The following CCSER1 variants were observed in gnomAD, a reference collection of about 807,000 sequenced individuals.
The protein encoded by CCSER1 is coiled-coil serine rich protein 1, also known as serine-rich coiled-coil domain-containing protein 1.
CCSER1 carries 41 observed loss-of-function variants against 82.0 expected under a neutral mutation model. The observed-to-expected ratio is 0.50, with a 90% CI of 0.39 to 0.65. The LOEUF (loss-of-function observed/expected upper bound fraction) is 0.65, where lower values mean the gene tolerates loss of function less well. Among genes scored for constraint, CCSER1 ranks in the 30% least tolerant of loss-of-function variants. CCSER1 has a pLI of 0.00. For missense variants in CCSER1, 1,119 were observed against 1,064.2 expected, an observed-to-expected ratio of 1.05 and a Z score of -0.72; for synonymous variants, 414 against 383.9, an observed-to-expected ratio of 1.08 and a Z score of -0.92.
chr4:90,996,196 T>C (rs1737477111), intron 9 of CCSER1, among the ~76,000 whole-genome samples: 1 of 152,132 alleles, frequency 6.6e-6, no homozygotes, highest in African/African-American at 2.4e-5. Flanking sequence ...TGCCAAATCT[T>C]GTTGTAGATG....
intron 9 of CCSER1, among the ~76,000 whole-genome samples, chr4:90,989,727 G>A (rs1481080599): frequency 6.6e-6 from 1 of 151,720 alleles, no homozygotes; most frequent in Non-Finnish European, 1.5e-5. Flanking sequence ...CTTTGGGTTA[G>A]AGCTTCAGAT....
intron 1 of CCSER1, among the ~76,000 whole-genome samples, chr4:90,197,834 A>G (rs561579320): frequency 1.3e-4 from 20 of 152,094 alleles, no homozygotes; most frequent in Non-Finnish European, 2.1e-4. Context: ...GTTACAAAAA[A>G]AAAAATAGAA....
intron 10 of CCSER1, among the ~76,000 whole-genome samples, chr4:91,589,854 C>T (rs985417789): frequency 1.3e-5 from 2 of 151,744 alleles, no homozygotes; most frequent in East Asian, 1.9e-4. Context: ...TTTAAATCAC[C>T]TTTTAACTAA....
At chr4:91,398,638 A>T (rs1378682160) in intron 10 of CCSER1, among the ~76,000 whole-genome samples, 1 of 151,720 alleles carries the variant, frequency 6.6e-6, no homozygotes, top group Non-Finnish European at 1.5e-5. Context: ...TAATTAAAAA[A>T]TTGAGATATT....
intron 10 of CCSER1, among the ~76,000 whole-genome samples, chr4:91,464,705 C>T (rs1211817488): frequency 2.0e-5 from 3 of 152,134 alleles, no homozygotes; most frequent in Admixed American, 1.3e-4. Flanking sequence ...ACTTGCAATC[C>T]TAGTCCCTGG....
chr4:91,513,938 T>G (rs1236236804), intron 10 of CCSER1, among the ~76,000 whole-genome samples: 1 of 152,082 alleles, frequency 6.6e-6, no homozygotes, highest in Admixed American at 6.6e-5. Context: ...TTTATGGATT[T>G]TTGGGTCTCA....
At position 90,932,998 on chromosome 4, in the gene CCSER1, A is replaced by AAGAAAGAAAGAAAGAAAGAAAG; in HGVS notation, c.2172+9553_2172+9574dup. On this transcript the variant is annotated intron_variant, in intron 9 of 10. Coordinates refer to ENST00000509176, the MANE Select transcript of CCSER1 (RefSeq NM_001145065.2). Reference sequence around the variant, plus strand: ...AGAAAGAAAGAGAAAGAAAGAAAGAAAGAAAGAAAGAAAGAAAGAAAGAAA... The same window carrying AAGAAAGAAAGAAAGAAAGAAAG: ...AGAAAGAAAGAGAAAGAAAGAAAGAAAGAAAGAAAGAAAGAAAGAAAGAGAAAGAAAGAAAGAAAGAAAGAAA... Among the ~76,000 whole-genome samples, 2 of 72,046 alleles carry AAGAAAGAAAGAAAGAAAGAAAG rather than the reference A, an allele frequency of 2.8e-5. 1 individual carries two copies. The highest frequency in any genetic ancestry group is 3.0e-4 in the Admixed American group (2 of 6,720). 47.3% of individuals were successfully genotyped at this position (72,046 alleles called of 152,430 possible). A position where few individuals can be genotyped will look rare whatever the true frequency, so the allele number is the denominator to read the frequency against.
At chr4:90,158,182 A>G (rs1578240597) in intron 1 of CCSER1, among the ~76,000 whole-genome samples, 1 of 81,428 alleles carries the variant, frequency 1.2e-5, no homozygotes, top group Non-Finnish European at 2.1e-5. Flanking sequence ...GTGGCTGCAT[A>G]AACAGCGGAT....
intron 1 of CCSER1, among the ~76,000 whole-genome samples, chr4:90,273,515 C>T (rs940637579): frequency 6.6e-6 from 1 of 152,050 alleles, no homozygotes; most frequent in Non-Finnish European, 1.5e-5. Flanking sequence ...TTTTAAAAAA[C>T]TGAAGTTTTA....
intron 5 of CCSER1, among the ~76,000 whole-genome samples, chr4:90,581,974 A>G (rs1227712349): frequency 6.6e-6 from 1 of 151,928 alleles, no homozygotes; most frequent in Non-Finnish European, 1.5e-5. Flanking sequence ...TCAAAGGAGG[A>G]CCAATTGATG....
intron 8 of CCSER1, among the ~76,000 whole-genome samples, chr4:90,841,859 A>G (rs1168342879): frequency 1.3e-5 from 2 of 152,192 alleles, no homozygotes; most frequent in African/African-American, 4.8e-5. Context: ...CAAACTCCAA[A>G]GTAAAAAACT....
chr4:90,444,576 A>G (rs1250605547), intron 4 of CCSER1, among the ~76,000 whole-genome samples: 1 of 152,042 alleles, frequency 6.6e-6, no homozygotes, highest in East Asian at 1.9e-4. Context: ...TACACTTCCC[A>G]TGGTAAATGA....
intron 1 of CCSER1, among the ~76,000 whole-genome samples, chr4:90,230,102 A>T (rs180731155): frequency 6.6e-6 from 1 of 152,204 alleles, no homozygotes; most frequent in African/African-American, 2.4e-5. Flanking sequence ...AGTTGGACTC[A>T]GCTCTGCACC....
At chr4:90,918,373 A>G (rs1727834089) in intron 8 of CCSER1, 6 of 404,864 alleles carry the variant, frequency 1.5e-5, no homozygotes, top group Non-Finnish European at 2.9e-5. Flanking sequence ...ATTTTTTGGG[A>G]TTATTGAGTA....
chr4:90,408,477 A>G (rs1322728902), intron 4 of CCSER1, among the ~76,000 whole-genome samples: 1 of 152,174 alleles, frequency 6.6e-6, no homozygotes, highest in African/African-American at 2.4e-5. Context: ...CGGTTCACCA[A>G]TATCCACTGT....
chr4:90,796,690 T>C (rs1756090364), intron 7 of CCSER1, among the ~76,000 whole-genome samples: 4 of 152,312 alleles, frequency 2.6e-5, no homozygotes, highest in Admixed American at 2.6e-4. Context: ...GTGTCTTTTT[T>C]CTCATTTATT....
At chr4:91,500,975 C>T (rs1317318627) in intron 10 of CCSER1, among the ~76,000 whole-genome samples, 3 of 151,626 alleles carry the variant, frequency 2.0e-5, no homozygotes, top group Admixed American at 6.6e-5. Context: ...ATTTCTATAC[C>T]TTTTATGTTT....
chr4:90,983,042 C>T lies in CCSER1; in HGVS notation c.2172+59595C>T, dbSNP rs767120423. ...TTAGACCTTCTCATTTACCAGTCAG[C>T]AGCATGACTTACGCTATGCATATTC... On this transcript the variant is annotated intron_variant, in intron 9 of 10. Coordinates refer to ENST00000509176, the MANE Select transcript of CCSER1 (RefSeq NM_001145065.2). 2.0e-5 allele frequency among the ~76,000 whole-genome samples: 3 copies of T among 151,774 alleles called. 1 individual carries two copies. The highest frequency in any genetic ancestry group is 7.3e-5 in the African/African-American group (3 of 41,376).
intron 1 of CCSER1, among the ~76,000 whole-genome samples, chr4:90,236,506 T>C (rs1269932384): frequency 6.6e-6 from 1 of 152,166 alleles, no homozygotes; most frequent in Non-Finnish European, 1.5e-5. Flanking sequence ...GGCGAAACAA[T>C]CTGTTTTCTT....
Sources: allele counts gnomAD v4.1 joint callset (sites outside exome capture counted in the v4.1 genomes callset), GRCh38; gene constraint gnomAD v4.1.1; transcripts MANE v1.5; gene names NCBI Gene and HGNC (gene_info 2026-07-23, HGNC 2026-07-21).